LEPR: variants seen among roughly 807,000 people sequenced by gnomAD.
LEPR encodes OB receptor.
Under a neutral mutation model 114.7 loss-of-function variants are expected in LEPR, and 56 were observed. The observed-to-expected ratio is 0.49, with a 90% CI of 0.39 to 0.61. The LOEUF (loss-of-function observed/expected upper bound fraction) is 0.61, where lower values mean the gene tolerates loss of function less well. Among genes scored for constraint, LEPR ranks in the 20% least tolerant of loss-of-function variants. The pLI is 0.00. For missense variants in LEPR, 1,202 were observed against 1,352.9 expected, an observed-to-expected ratio of 0.89 and a Z score of 1.75; for synonymous variants, 443 against 461.4, an observed-to-expected ratio of 0.96 and a Z score of 0.51.
intron 2 of LEPR, among the ~76,000 whole-genome samples, chr1:65,530,609 C>T (rs908268457): frequency 1.5e-4 from 23 of 152,200 alleles, no homozygotes; most frequent in African/African-American, 2.6e-4. Flanking sequence ...ACTTTCATGG[C>T]GCTGGTGGGA....
intron 2 of LEPR, among the ~76,000 whole-genome samples, chr1:65,552,334 G>A (rs548024032): frequency 1.3e-5 from 2 of 152,114 alleles, no homozygotes; most frequent in South Asian, 2.1e-4. Context: ...TTATCATGTG[G>A]CAGTTTAAGT....
chr1:65,629,024 C>A (rs539651753), intron 19 of LEPR, among the ~76,000 whole-genome samples: 1 of 152,018 alleles, frequency 6.6e-6, no homozygotes, highest in African/African-American at 2.4e-5. Flanking sequence ...ATGCTTATGC[C>A]ACTATGAAAT....
intron 2 of LEPR, among the ~76,000 whole-genome samples, chr1:65,440,490 C>T (rs10889552): frequency 0.13 from 19,338 of 151,820 alleles, 2,333 homozygotes; most frequent in African/African-American, 0.32. Flanking sequence ...TGCGTGTGGG[C>T]GTGAACGGGT....
intron 11 of LEPR, 138 bp from the exon 12 acceptor site, chr1:65,608,611 GAAAC>G: frequency 1.0e-6 from 1 of 989,254 alleles, no homozygotes; most frequent in Non-Finnish European, 1.5e-6. Context: ...AAGTAATAGG[GAAAC>G]AAATGAGATA....
At chr1:65,606,920 A>G (rs919202275) in intron 11 of LEPR, among the ~76,000 whole-genome samples, 7 of 152,222 alleles carry the variant, frequency 4.6e-5, no homozygotes, top group African/African-American at 7.2e-5. Flanking sequence ...GATTGCTTAA[A>G]AATGATTTTA....
rs575835806 is a variant in LEPR, at chr1:65,491,306, C to G, written c.-21+65928C>G. ...ACAGGCAGTTATTTTCGTATGTACA[C>G]AGAATACATCACGAAGATCAAAGAA... is the stretch of plus-strand genomic sequence containing the variant. On this transcript the variant is annotated intron_variant, in intron 2 of 19. Transcript: ENST00000349533. 2.0e-5 allele frequency among the ~76,000 whole-genome samples: 3 copies of G among 152,168 alleles called. No homozygotes were observed. In the East Asian group the frequency reaches 5.8e-4, roughly 29 times the overall value.
intron 2 of LEPR, among the ~76,000 whole-genome samples, chr1:65,482,159 GA>G (rs1647262519): frequency 6.7e-6 from 1 of 150,094 alleles, no homozygotes; most frequent in South Asian, 2.1e-4. Flanking sequence ...GGAATGAGCT[GA>G]AAAAATAAAG....
chr1:65,432,130 T>TA, intron 2 of LEPR: 1 of 1,241,750 alleles, frequency 8.1e-7, no homozygotes. Context: ...TTACTCAAAT[T>TA]ATGTTACTTG....
At chr1:65,553,825 T>C (rs973728764) in intron 2 of LEPR, among the ~76,000 whole-genome samples, 1 of 152,208 alleles carries the variant, frequency 6.6e-6, no homozygotes, top group Non-Finnish European at 1.5e-5. Flanking sequence ...TGCTCGTTTT[T>C]CCTCATCTTC....
intron 3 of LEPR, among the ~76,000 whole-genome samples, chr1:65,569,291 A>T (rs1005246378): frequency 6.6e-6 from 1 of 152,248 alleles, no homozygotes; most frequent in African/African-American, 2.4e-5. Flanking sequence ...AAATCCATAC[A>T]AGATTCTCAG....
chr1:65,432,029 C>A, intron 2 of LEPR: 1 of 1,441,894 alleles, frequency 6.9e-7, no homozygotes, highest in Non-Finnish European at 9.1e-7. Context: ...TTTTTTAATA[C>A]CTTTATATAT....
intron 2 of LEPR, among the ~76,000 whole-genome samples, chr1:65,545,436 G>A (rs1361888171): frequency 2.0e-5 from 3 of 151,522 alleles, no homozygotes; most frequent in Admixed American, 6.6e-5. Context: ...GTGTAAAAGT[G>A]TTCCTATTTC....
chr1:65,623,143 AG>A, intron 19 of LEPR, 162 bp downstream of exon 19: 1 of 734,376 alleles, frequency 1.4e-6, no homozygotes, highest in Non-Finnish European at 2.2e-6. Flanking sequence ...AGCAGGATGC[AG>A]GGATTTGAAA....
Position 65,633,902 on chromosome 1 carries a change from G to C in LEPR, c.2674-2289G>C, listed in dbSNP as rs1011908066. Reference sequence around the variant, plus strand: ...ATATCAGGATGACCCTACATACCCAGGTCAGATTGACGGGACCAGAAGGGA... The same window carrying C: ...ATATCAGGATGACCCTACATACCCACGTCAGATTGACGGGACCAGAAGGGA... On this transcript the variant is annotated intron_variant, in intron 19 of 19. Transcript: ENST00000349533. The surrounding 1 kb of genome is among the most constrained non-coding windows in gnomAD (Gnocchi z 4.1). The C allele has an allele frequency of 3.0e-6, 3 of 985,236 alleles. No individual in the cohort carries two copies. The African/African-American group carries it at 5.2e-5, about 17-fold the overall frequency. 61.0% of individuals were successfully genotyped at this position (985,236 alleles called of 1,614,324 possible).
Position 65,570,542 on chromosome 1 carries a change from G to C in LEPR, c.110G>C (p.Cys37Ser). Reference sequence around the variant, plus strand: ...ACTCCTTGGAGATTTAAGTTGTCTTGCATGCCACCAAATTCAACCTATGAC... The same window carrying C: ...ACTCCTTGGAGATTTAAGTTGTCTTCCATGCCACCAAATTCAACCTATGAC... ...PITPWRFKLS[C>S]MPPNSTYDYF... The change falls in exon 4 of 20, where the codon TGC becomes TCC. Residue 37 changes from cysteine to serine, a missense_variant. By Grantham distance (112) the Cys-to-Ser change is moderately radical (BLOSUM62 -1). Coordinates refer to ENST00000349533, the MANE Select transcript of LEPR (RefSeq NM_002303.6). 1 of 1,613,882 alleles carries C rather than the reference G, an allele frequency of 6.2e-7. No homozygotes were observed. Among genetic ancestry groups the C allele is most frequent in the South Asian group, 1.1e-5 (1 of 91,058 alleles).
intron 2 of LEPR, among the ~76,000 whole-genome samples, chr1:65,480,268 G>A (rs555778836): frequency 3.9e-5 from 6 of 152,200 alleles, no homozygotes; most frequent in African/African-American, 7.2e-5. Flanking sequence ...AAACCGTATC[G>A]AGATGGTTTT....
chr1:65,581,585 G>T lies in LEPR; in HGVS notation c.494+9136G>T, dbSNP rs116331744. ...CTCTGGTGTTCACTCCATTAGATATGATAAAAGCCTGCAAATCTCCTAGAG... is the reference window on the plus strand; with the variant it reads ...CTCTGGTGTTCACTCCATTAGATATTATAAAAGCCTGCAAATCTCCTAGAG... On this transcript the variant is annotated intron_variant, in intron 5 of 19. Transcript: ENST00000349533. Among the ~76,000 whole-genome samples, 770 of 152,108 alleles carry T rather than the reference G, an allele frequency of 5.1e-3. 10 individuals carry two copies. The highest frequency in any genetic ancestry group is 0.018 in the African/African-American group (737 of 41,472).
chr1:65,548,632 C>T (rs959535713), intron 2 of LEPR, among the ~76,000 whole-genome samples: 1 of 152,004 alleles, frequency 6.6e-6, no homozygotes, highest in African/African-American at 2.4e-5. Context: ...GATTGCAACC[C>T]CGGTCTTTTT....
intron 2 of LEPR, among the ~76,000 whole-genome samples, chr1:65,449,246 G>A (rs1646749919): frequency 6.8e-6 from 1 of 147,932 alleles, no homozygotes; most frequent in Admixed American, 6.7e-5. Flanking sequence ...TAGAGGCTTA[G>A]TGGTTTTATT....
Sources: gnomAD v4.1 joint callset for allele counts (sites outside exome capture counted in the v4.1 genomes callset) on GRCh38, gnomAD v4.1.1 for gene constraint, Gnocchi (gnomAD v3.1) non-coding constraint, MANE v1.5 for transcripts, NCBI Gene and HGNC (gene_info 2026-07-23, HGNC 2026-07-21) for gene names.